The following KIF18A variants were observed in gnomAD, a reference collection of about 807,000 sequenced individuals.
KIF18A encodes the protein kinesin-like protein KIF18A.
Under a neutral mutation model 103.3 loss-of-function variants are expected in KIF18A, and 67 were observed. That is an observed-to-expected ratio of 0.65 (90% CI 0.53 to 0.79). The LOEUF is 0.79. Ranked by LOEUF, KIF18A falls within the 30% of genes least tolerant of loss-of-function variation. The pLI, the probability that KIF18A is intolerant of heterozygous loss-of-function variation, is 0.00. For missense variants in KIF18A, 1,032 were observed against 1,062.5 expected (o/e 0.97, Z 0.40); for synonymous variants, 367 against 355.5 (o/e 1.03, Z -0.36).
chr11:28,036,220 TGTAAAATG>T lies in KIF18A; in HGVS notation c.2385_2392del (p.Asp795GlufsTer4), dbSNP rs1208870341. Reference sequence around the variant, plus strand: ...GGCAAATATTATTTTTTTGTACCGTTGTAAAATGTCTTTGTTATCATTTGGTAGTGATT... The same window carrying T: ...GGCAAATATTATTTTTTTGTACCGTTTCTTTGTTATCATTTGGTAGTGATT... On this transcript the variant is annotated frameshift_variant, in exon 14 of 17. Coordinates refer to ENST00000263181, the MANE Select transcript of KIF18A (RefSeq NM_031217.4). LOFTEE classifies it high-confidence loss of function. The T allele has an allele frequency of 6.4e-7, 1 of 1,569,838 alleles. No homozygotes were observed. Among genetic ancestry groups the T allele is most frequent in the Non-Finnish European group, 8.6e-7 (1 of 1,156,544 alleles).
At chr11:28,051,964 A>G (rs1850717091) in intron 13 of KIF18A, among the ~76,000 whole-genome samples, 1 of 152,080 alleles carries the variant, frequency 6.6e-6, no homozygotes, top group South Asian at 2.1e-4. Context: ...ATCTCTCTGA[A>G]GGTGACTCAA....
At chr11:28,105,910 C>T (rs971998455) in intron 1 of KIF18A, among the ~76,000 whole-genome samples, 2 of 152,164 alleles carry the variant, frequency 1.3e-5, no homozygotes, top group African/African-American at 4.8e-5. Flanking sequence ...TTATAATAAT[C>T]ACGTAAGGTA....
At chr11:28,056,438 CAA>C (rs1331014040) in intron 13 of KIF18A, among the ~76,000 whole-genome samples, 1 of 151,474 alleles carries the variant, frequency 6.6e-6, no homozygotes. Context: ...ACATTAAAAG[CAA>C]AAGAGTAAAG....
chr11:28,098,490 C>T (rs767983414), intron 1 of KIF18A, among the ~76,000 whole-genome samples: 1 of 152,128 alleles, frequency 6.6e-6, no homozygotes, highest in Admixed American at 6.5e-5. Flanking sequence ...TGGCTGCAAG[C>T]CCCTTGGCCG....
chr11:28,025,107 G>A (rs867478900), intron 15 of KIF18A, among the ~76,000 whole-genome samples: 6 of 152,110 alleles, frequency 3.9e-5, no homozygotes, highest in Middle Eastern at 3.4e-3. Context: ...ACAATCGCCT[G>A]TTTTTGAACT....
chr11:28,084,620 A>C lies in KIF18A; in HGVS notation c.1074+12T>G, dbSNP rs776633087. Reference sequence around the variant, plus strand: ...AATACCTTCACAACAAAGGCAGAGTAAACAGACTTACAGAAGATTTAATGT... The same window carrying C: ...AATACCTTCACAACAAAGGCAGAGTCAACAGACTTACAGAAGATTTAATGT... On this transcript the variant is annotated intron_variant, in intron 7 of 16. Transcript: ENST00000263181. The C allele has an allele frequency of 2.5e-6, 4 of 1,586,124 alleles. No homozygotes were observed. Among genetic ancestry groups the C allele is most frequent in the African/African-American group, 1.3e-5 (1 of 74,148 alleles).
In KIF18A at chr11:28,052,489, T is replaced by C. The variant is rs552042381; in HGVS notation, c.1948+6437A>G. On this transcript the variant is annotated intron_variant, in intron 13 of 16. Coordinates refer to ENST00000263181, the MANE Select transcript of KIF18A (RefSeq NM_031217.4). ...TTAGAGATTTTGCACTGTGATTGTGTCCCTCTACCTAAAAAAGTTTCTTCT... is the reference window on the plus strand; with the variant it reads ...TTAGAGATTTTGCACTGTGATTGTGCCCCTCTACCTAAAAAAGTTTCTTCT... 3.4e-3 allele frequency among the ~76,000 whole-genome samples: 511 copies of C among 152,080 alleles called. 4 individuals carry two copies. Among genetic ancestry groups the C allele is most frequent in the Non-Finnish European group, 4.1e-3 (280 of 67,946 alleles).
At chr11:28,087,196 T>G (rs925588857) in intron 6 of KIF18A, among the ~76,000 whole-genome samples, 1 of 152,220 alleles carries the variant, frequency 6.6e-6, no homozygotes, top group Non-Finnish European at 1.5e-5. Flanking sequence ...TAATCTACAT[T>G]AGGTATTTCT....
intron 8 of KIF18A, 41 bp from the exon 9 acceptor site, chr11:28,083,009 A>G: frequency 6.8e-7 from 1 of 1,470,024 alleles, no homozygotes; most frequent in Non-Finnish European, 9.3e-7. Context: ...AAAAGAAGTC[A>G]TTTACATGGC....
chr11:28,061,234 A>G (rs953870831), intron 12 of KIF18A, among the ~76,000 whole-genome samples: 1 of 152,182 alleles, frequency 6.6e-6, no homozygotes, highest in African/African-American at 2.4e-5. Context: ...ACTGTATTAT[A>G]ATCTATTTTT....
At chr11:28,086,989 C>A (rs951937697) in intron 6 of KIF18A, among the ~76,000 whole-genome samples, 2 of 151,776 alleles carry the variant, frequency 1.3e-5, no homozygotes, top group East Asian at 1.9e-4. Context: ...AAAAAAAAAA[C>A]CTGCTCCAAT....
At chr11:28,064,545 T>C (rs1590689363) in intron 11 of KIF18A, among the ~76,000 whole-genome samples, 2 of 152,236 alleles carry the variant, frequency 1.3e-5, no homozygotes, top group East Asian at 1.9e-4. Flanking sequence ...GGTACATGTA[T>C]ACCTATGTAA....
chr11:28,077,138 T>C lies in KIF18A; in HGVS notation c.1294A>G (p.Asn432Asp), dbSNP rs1851104509. The change falls in exon 10 of 17, where the codon AAT becomes GAT. Residue 432 changes from asparagine (N) to aspartate (D), a missense_variant. Coordinates refer to ENST00000263181, the MANE Select transcript of KIF18A (RefSeq NM_031217.4). Reference sequence around the variant, plus strand: ...TATTCTTGTCTAATTTCTTCTCGATTCTGGAACAAGCAGTTCAGGATTTCT... The same window carrying C: ...TATTCTTGTCTAATTTCTTCTCGATCCTGGAACAAGCAGTTCAGGATTTCT... ...FQEILNCLFQ[N>D]REEIRQEYLK... The C allele has an allele frequency of 7.0e-6, 11 of 1,577,846 alleles. No homozygotes were observed. The highest frequency in any genetic ancestry group is 1.4e-5 in the African/African-American group (1 of 72,058).
Position 28,036,506 on chromosome 11 carries a change from T to C in KIF18A, c.2107A>G (p.Ile703Val), listed in dbSNP as rs1218137154. 5 of 1,611,170 alleles carry C rather than the reference T, an allele frequency of 3.1e-6. No individual in the cohort carries two copies. Among genetic ancestry groups the C allele is most frequent in the South Asian group, 1.1e-5 (1 of 91,010 alleles). ...NDSLSKELQP[I>V]VYTPEDCRKA... ...CTACAGTCTTCTGGTGTATATACAA[T>C]AGGCTGAAGTTCTTTGCTAAGAGAA... The change falls in exon 14 of 17, where the codon ATT (isoleucine) becomes GTT (valine). Residue 703 changes from isoleucine (I) to valine (V), a missense_variant. Ile to Val is a conservative substitution (Grantham distance 29, BLOSUM62 3). Transcript: ENST00000263181.
chr11:28,052,873 C>G (rs981147189), intron 13 of KIF18A, among the ~76,000 whole-genome samples: 20 of 151,738 alleles, frequency 1.3e-4, no homozygotes, highest in Admixed American at 3.9e-4. Context: ...CTAAAGATGA[C>G]TATATCAGAA....
Position 28,082,973 on chromosome 11 carries a change from T to C in KIF18A, c.1150-5A>G, listed in dbSNP as rs770183094. The C allele has an allele frequency of 6.5e-7, 1 of 1,538,476 alleles. No individual in the cohort carries two copies. The highest frequency in any genetic ancestry group is 8.9e-7 in the Non-Finnish European group (1 of 1,129,170). ...TTTTTCTTTTAACAATAAAATCTAG[T>C]AGAGAGAAATCACTAGTTAAAATAC... On this transcript the variant is annotated splice_polypyrimidine_tract_variant and splice_region_variant and intron_variant, in intron 8 of 16. Coordinates refer to ENST00000263181, the MANE Select transcript of KIF18A (RefSeq NM_031217.4).
At chr11:28,044,357 G>C (rs1850601763) in intron 13 of KIF18A, among the ~76,000 whole-genome samples, 2 of 151,986 alleles carry the variant, frequency 1.3e-5, no homozygotes, top group South Asian at 4.1e-4. Context: ...AAATAAAAAA[G>C]ATGGACATCT....
At chr11:28,105,508 AAATT>A (rs1851493241) in intron 1 of KIF18A, among the ~76,000 whole-genome samples, 1 of 152,214 alleles carries the variant, frequency 6.6e-6, no homozygotes, top group South Asian at 2.1e-4. Context: ...TACCACAATT[AAATT>A]AATACGTCTA....
intron 2 of KIF18A, among the ~76,000 whole-genome samples, chr11:28,095,160 G>T (rs949427905): frequency 6.6e-6 from 1 of 152,090 alleles, no homozygotes; most frequent in Non-Finnish European, 1.5e-5. Flanking sequence ...CTTCTTAATT[G>T]TTCCAGGTTT....
Sources: allele counts gnomAD v4.1 joint callset (sites outside exome capture counted in the v4.1 genomes callset), GRCh38; gene constraint gnomAD v4.1.1; transcripts MANE v1.5; gene names NCBI Gene and HGNC (gene_info 2026-07-23, HGNC 2026-07-21).